The following MDGA2 variants were observed in gnomAD, a reference collection of about 807,000 sequenced individuals.
MDGA2 encodes the protein MAM domain-containing glycosylphosphatidylinositol anchor protein 2.
A neutral mutation model predicts 117.8 loss-of-function variants in MDGA2; 40 were observed. The ratio of observed to expected loss-of-function variants is 0.34; its 90% CI spans 0.26 to 0.44. The LOEUF (loss-of-function observed/expected upper bound fraction) is 0.44. Among genes scored for constraint, MDGA2 ranks in the 20% least tolerant of loss-of-function variants. The pLI, the probability that MDGA2 is intolerant of heterozygous loss-of-function variation, is 1.00. For missense variants in MDGA2, 1,123 were observed against 1,250.6 expected (o/e 0.90, Z 1.54); for synonymous variants, 452 against 439.0 (o/e 1.03, Z -0.37).
In MDGA2 at chr14:47,613,477, TCTCA is replaced by T. The variant is rs1438811445; in HGVS notation, c.280+61036_280+61039del. On this transcript the variant is annotated intron_variant, in intron 1 of 16. Transcript: ENST00000399232. ...TCATTTATCTCTCTCTCTCTCTCTCTCTCACACACACACACACACACACACACAC... is the reference window on the plus strand; with the variant it reads ...TCATTTATCTCTCTCTCTCTCTCTCTCACACACACACACACACACACACAC... Among the ~76,000 whole-genome samples the T allele has an allele frequency of 4.9e-3, 684 of 138,224 alleles. 3 individuals are homozygous for T. Among genetic ancestry groups the T allele is most frequent in the African/African-American group, 0.014 (501 of 35,112 alleles). 90.7% of individuals were successfully genotyped at this position (138,224 alleles called of 152,430 possible). A position where few individuals can be genotyped will look rare whatever the true frequency, so the allele number is the denominator to read the frequency against.
At chr14:47,603,885 G>C (rs982513463) in intron 1 of MDGA2, among the ~76,000 whole-genome samples, 2 of 152,136 alleles carry the variant, frequency 1.3e-5, no homozygotes, top group African/African-American at 4.8e-5. Context: ...TGGTTGTTTA[G>C]AAGTGTGTGG....
At chr14:47,362,978 G>C (rs1306306795) in intron 1 of MDGA2, among the ~76,000 whole-genome samples, 2 of 152,084 alleles carry the variant, frequency 1.3e-5, no homozygotes, top group South Asian at 2.1e-4. Flanking sequence ...AATTAGTAAA[G>C]CTTTTGAAAA....
At chr14:47,375,592 T>G (rs1241067750) in intron 1 of MDGA2, among the ~76,000 whole-genome samples, 1 of 152,070 alleles carries the variant, frequency 6.6e-6, no homozygotes, top group Non-Finnish European at 1.5e-5. Context: ...TAACTACATT[T>G]TACAGTTTCC....
intron 1 of MDGA2, among the ~76,000 whole-genome samples, chr14:47,533,144 G>A (rs1479371225): frequency 1.3e-5 from 2 of 152,188 alleles, no homozygotes; most frequent in African/African-American, 4.8e-5. Flanking sequence ...TATTGAGTCA[G>A]TGGTGTCCTC....
Position 47,039,644 on chromosome 14 carries a change from A to G in MDGA2, c.1526-4340T>C, listed in dbSNP as rs1198167246. Among the ~76,000 whole-genome samples the G allele has an allele frequency of 3.3e-5, 5 of 152,334 alleles. No homozygotes were observed. The East Asian group carries it at 9.7e-4, about 29-fold the overall frequency. On this transcript the variant is annotated intron_variant, in intron 7 of 16. Transcript: ENST00000399232. ...CAACACTGGTTTAATTTAAAAAACA[A>G]CAACCTGAAAACAGCTTAATGGAGT...
intron 8 of MDGA2, among the ~76,000 whole-genome samples, chr14:46,965,984 T>C (rs1428923400): frequency 6.8e-6 from 1 of 147,678 alleles, no homozygotes; most frequent in Non-Finnish European, 1.5e-5. Flanking sequence ...AATATATGAC[T>C]CTTATATTAT....
At chr14:47,295,352 A>C (rs1889028195) in intron 2 of MDGA2, among the ~76,000 whole-genome samples, 1 of 152,314 alleles carries the variant, frequency 6.6e-6, no homozygotes. Context: ...TTGTATTGCT[A>C]TCTGAGAAGT....
chr14:47,154,157 G>C (rs1001138174), intron 3 of MDGA2, among the ~76,000 whole-genome samples: 4 of 152,284 alleles, frequency 2.6e-5, no homozygotes, highest in East Asian at 1.9e-4. Flanking sequence ...GAGAGAGTTT[G>C]TTTTTCCTTA....
intron 1 of MDGA2, among the ~76,000 whole-genome samples, chr14:47,575,350 A>T (rs933740920): frequency 3.9e-5 from 6 of 152,190 alleles, no homozygotes; most frequent in African/African-American, 9.6e-5. Context: ...CAAGCAAAAA[A>T]ATCTGGTCCC....
chr14:47,355,475 T>C (rs996282942), intron 1 of MDGA2, among the ~76,000 whole-genome samples: 2 of 152,082 alleles, frequency 1.3e-5, no homozygotes, highest in African/African-American at 2.4e-5. Context: ...ATCTTTTCTG[T>C]AAGGGATAAG....
intron 3 of MDGA2, among the ~76,000 whole-genome samples, chr14:47,199,637 A>C (rs1460696297): frequency 6.6e-6 from 1 of 152,180 alleles, no homozygotes; most frequent in Non-Finnish European, 1.5e-5. Flanking sequence ...TTGATATCAT[A>C]CTCAAAGAAA....
chr14:47,139,631 AGT>A (rs1882616430), intron 4 of MDGA2, among the ~76,000 whole-genome samples: 1 of 151,660 alleles, frequency 6.6e-6, no homozygotes, highest in African/African-American at 2.4e-5. Flanking sequence ...ATATTATTGA[AGT>A]GCTCCAATAC....
At chr14:46,967,247 A>G (rs1886072674) in intron 8 of MDGA2, among the ~76,000 whole-genome samples, 1 of 152,124 alleles carries the variant, frequency 6.6e-6, no homozygotes, top group Admixed American at 6.6e-5. Flanking sequence ...TATAAGTACA[A>G]TCTTAATTAT....
chr14:47,306,486 CATTTATGGTTTT>C (rs11274353), intron 1 of MDGA2, among the ~76,000 whole-genome samples: 143,756 of 151,948 alleles, frequency 0.95, 68,055 homozygotes, highest in East Asian at 1. Flanking sequence ...GCTAATCAGG[CATTTATGGTTTT>C]ATTTATGGTT....
At chr14:47,382,455 T>C (rs761591718) in intron 1 of MDGA2, among the ~76,000 whole-genome samples, 9 of 152,174 alleles carry the variant, frequency 5.9e-5, no homozygotes, top group Non-Finnish European at 1.2e-4. Context: ...AATCTACCCA[T>C]CTGACAAAGG....
chr14:47,460,695 G>A (rs891297422), intron 1 of MDGA2, among the ~76,000 whole-genome samples: 1 of 151,964 alleles, frequency 6.6e-6, no homozygotes, highest in African/African-American at 2.4e-5. Context: ...ATTACATAAT[G>A]GCATGCCATG....
intron 1 of MDGA2, among the ~76,000 whole-genome samples, chr14:47,540,984 T>G (rs1414626592): frequency 6.6e-6 from 1 of 152,196 alleles, no homozygotes; most frequent in Non-Finnish European, 1.5e-5. Flanking sequence ...GATTACTGCC[T>G]GATCAGTAAA....
chr14:47,072,103 G>A lies in MDGA2; in HGVS notation c.1196-10525C>T, dbSNP rs111607596. On this transcript the variant is annotated intron_variant, in intron 6 of 16. Transcript: ENST00000399232. Reference sequence around the variant, plus strand: ...GAAGTTTGTTGGTTGTTGTTGTTTGGGGGGGGGGGGGTTTGCAGGTATTAT... The same window carrying A: ...GAAGTTTGTTGGTTGTTGTTGTTTGAGGGGGGGGGGGTTTGCAGGTATTAT... Among the ~76,000 whole-genome samples, 24 of 129,204 alleles carry A rather than the reference G, an allele frequency of 1.9e-4. 3 individuals carry two copies. The highest frequency in any genetic ancestry group is 6.6e-4 in the African/African-American group (21 of 31,906). The allele number at this position is 129,204 out of a possible 152,430, so 84.8% of individuals were successfully genotyped here. A position where few individuals can be genotyped will look rare whatever the true frequency, so the allele number is the denominator to read the frequency against.
chr14:47,422,921 T>TGATA (rs146886376), intron 1 of MDGA2, among the ~76,000 whole-genome samples: 2 of 152,154 alleles, frequency 1.3e-5, no homozygotes, highest in Non-Finnish European at 2.9e-5. Context: ...AGATGATAGA[T>TGATA]GATAGATAGA....
Sources: allele counts gnomAD v4.1 joint callset (sites outside exome capture counted in the v4.1 genomes callset), GRCh38; gene constraint gnomAD v4.1.1; transcripts MANE v1.5; gene names NCBI Gene and HGNC (gene_info 2026-07-23, HGNC 2026-07-21).